Variants in PDS5A observed in about 807,000 individuals in gnomAD.
PDS5A encodes sister chromatid cohesion protein PDS5 homolog A.
In PDS5A, 42 loss-of-function variants were observed where a neutral mutation model predicts 167.1. That is an observed-to-expected ratio of 0.25 (90% CI 0.20 to 0.33). The LOEUF is 0.33. Ranked by LOEUF, PDS5A falls within the 10% of genes least tolerant of loss-of-function variation. PDS5A has a pLI of 1.00. For missense variants in PDS5A, 1,033 were observed against 1,605.9 expected (o/e 0.64, Z 6.10); for synonymous variants, 553 against 554.6 (o/e 1.00, Z 0.04).
chr4:39,891,370 G>A (rs892041575), intron 16 of PDS5A, among the ~76,000 whole-genome samples: 7 of 151,914 alleles, frequency 4.6e-5, no homozygotes, highest in East Asian at 4.0e-4. Context: ...TATTCAGGCC[G>A]GGCGCAGGTG....
At chr4:39,917,651 T>C (rs1351466753) in intron 7 of PDS5A, among the ~76,000 whole-genome samples, 1 of 152,104 alleles carries the variant, frequency 6.6e-6, no homozygotes, top group Non-Finnish European at 1.5e-5. Flanking sequence ...CTCGGCTTAC[T>C]GCAACTTCCA....
chr4:39,935,334 G>A (rs1052680507), intron 2 of PDS5A, among the ~76,000 whole-genome samples: 1 of 152,228 alleles, frequency 6.6e-6, no homozygotes, highest in African/African-American at 2.4e-5. Context: ...CTGGCCTCAA[G>A]TGATCTACCC....
intron 17 of PDS5A, among the ~76,000 whole-genome samples, chr4:39,881,623 G>T (rs1720937177): frequency 6.6e-6 from 1 of 151,986 alleles, no homozygotes; most frequent in East Asian, 1.9e-4. Context: ...TCACAAGGTT[G>T]TACCACCTAA....
intron 2 of PDS5A, among the ~76,000 whole-genome samples, chr4:39,950,992 C>T (rs1413156007): frequency 2.0e-5 from 3 of 152,044 alleles, no homozygotes; most frequent in Non-Finnish European, 4.4e-5. Context: ...CAGCCTTGAC[C>T]TCCTGGGCTC....
intron 26 of PDS5A, among the ~76,000 whole-genome samples, chr4:39,859,489 C>T (rs1718808648): frequency 6.6e-6 from 1 of 152,044 alleles, no homozygotes; most frequent in Non-Finnish European, 1.5e-5. Flanking sequence ...GTAATTTAAA[C>T]ATTATGTTTA....
chr4:39,903,367 A>G (rs1723038796), intron 12 of PDS5A, among the ~76,000 whole-genome samples: 1 of 152,204 alleles, frequency 6.6e-6, no homozygotes, highest in South Asian at 2.1e-4. Context: ...ATTTAATATC[A>G]CTGGATTAAG....
chr4:39,852,553 C>A (rs1011077942), intron 26 of PDS5A, among the ~76,000 whole-genome samples: 1 of 152,150 alleles, frequency 6.6e-6, no homozygotes, highest in Non-Finnish European at 1.5e-5. Context: ...ACCATACCCC[C>A]ACCCCAAGAA....
At chr4:39,920,472 A>G (rs568602539) in intron 6 of PDS5A, 73 bp from the exon 7 acceptor site, 1 of 669,794 alleles carries the variant, frequency 1.5e-6, no homozygotes, top group African/African-American at 1.8e-5. Flanking sequence ...AGAATACTGT[A>G]GTCTTCAAAT....
At chr4:39,878,129 G>A (rs1245009826) in intron 18 of PDS5A, among the ~76,000 whole-genome samples, 1 of 152,062 alleles carries the variant, frequency 6.6e-6, no homozygotes, top group Non-Finnish European at 1.5e-5. Context: ...AGAGAAGCAG[G>A]GAGAAAGGGG....
intron 18 of PDS5A, among the ~76,000 whole-genome samples, chr4:39,878,498 G>A (rs1720664443): frequency 6.6e-6 from 1 of 151,988 alleles, no homozygotes; most frequent in Non-Finnish European, 1.5e-5. Context: ...TTGGGAGGCT[G>A]AGGCAGGAGA....
rs996257014 is a variant in PDS5A at position 39,944,611 on chromosome 4, T to C, written c.139-16447A>G. On this transcript the variant is annotated intron_variant, in intron 2 of 32. Transcript: ENST00000303538. Reference sequence around the variant, plus strand: ...CGGGAGGCTGAGGTAGGAGAATCGCTTGAACCTGGGAGGCGGAGGTTGCAG... The same window carrying C: ...CGGGAGGCTGAGGTAGGAGAATCGCCTGAACCTGGGAGGCGGAGGTTGCAG... Among the ~76,000 whole-genome samples, 7 of 150,912 alleles carry C rather than the reference T, an allele frequency of 4.6e-5. No homozygotes were observed. The East Asian group carries it at 9.8e-4, about 21-fold the overall frequency.
intron 26 of PDS5A, among the ~76,000 whole-genome samples, chr4:39,860,216 C>G (rs1718868771): frequency 6.6e-6 from 1 of 152,160 alleles, no homozygotes; most frequent in African/African-American, 2.4e-5. Context: ...GCAATCCCAG[C>G]ACTTCGGAAG....
chr4:39,967,926 C>T (rs956807950), intron 2 of PDS5A, among the ~76,000 whole-genome samples: 3 of 151,942 alleles, frequency 2.0e-5, no homozygotes, highest in African/African-American at 7.3e-5. Context: ...TAAAAACAAA[C>T]AAACAAACAA....
chr4:39,904,325 A>T, intron 11 of PDS5A, 134 bp from the exon 12 acceptor site: 1 of 486,094 alleles, frequency 2.1e-6, no homozygotes. Context: ...TCTCTTCAAA[A>T]GAGGCTTTAC....
intron 2 of PDS5A, among the ~76,000 whole-genome samples, chr4:39,952,188 G>A (rs367896005): frequency 2.7e-4 from 41 of 152,040 alleles, no homozygotes; most frequent in East Asian, 2.3e-3. Context: ...AAAAACAGCC[G>A]GGTATGGTGG....
intron 26 of PDS5A, among the ~76,000 whole-genome samples, chr4:39,860,526 G>A (rs917561998): frequency 2.6e-5 from 4 of 151,960 alleles, no homozygotes; most frequent in African/African-American, 9.7e-5. Flanking sequence ...AGAGATGGAT[G>A]CATTTCCATG....
At position 39,842,917 on chromosome 4, in the gene PDS5A, A is replaced by ATATATATATAT. The variant is rs912397372; in HGVS notation, c.3549-872_3549-862dup. On this transcript the variant is annotated intron_variant, in intron 30 of 32. Coordinates refer to ENST00000303538, the MANE Select transcript of PDS5A (RefSeq NM_001100399.2). ...GTAAACTTATCCTATTTTTATATAT[A>ATATATATATAT]TATATATATATATATATATATTTTA... Among the ~76,000 whole-genome samples the ATATATATATAT allele has an allele frequency of 9.6e-5, 7 of 72,758 alleles. 1 individual carries two copies. Among genetic ancestry groups the ATATATATATAT allele is most frequent in the African/African-American group, 2.7e-4 (7 of 26,348 alleles). The allele number at this position is 72,758 out of a possible 152,430, so 47.7% of individuals were successfully genotyped here.
At chr4:39,895,280 A>G (rs190514650) in intron 16 of PDS5A, among the ~76,000 whole-genome samples, 4 of 152,246 alleles carry the variant, frequency 2.6e-5, no homozygotes, top group African/African-American at 9.6e-5. Context: ...ACGCACACAA[A>G]CCTAAATGGT....
chr4:39,968,514 C>A (rs1730201329), intron 2 of PDS5A, among the ~76,000 whole-genome samples: 1 of 151,134 alleles, frequency 6.6e-6, no homozygotes. Flanking sequence ...CTCACCACAA[C>A]CTCCGCCTCC....
Sources: allele counts gnomAD v4.1 joint callset (sites outside exome capture counted in the v4.1 genomes callset), GRCh38; gene constraint gnomAD v4.1.1; transcripts MANE v1.5; gene names NCBI Gene and HGNC (gene_info 2026-07-23, HGNC 2026-07-21).